Variants in SRRM1 observed in about 807,000 individuals in gnomAD.
SRRM1 encodes serine/arginine repetitive matrix protein 1.
A neutral mutation model predicts 110.2 loss-of-function variants in SRRM1; 19 were observed. The observed-to-expected ratio is 0.17, with a 90% confidence interval of 0.12 to 0.25. The LOEUF (loss-of-function observed/expected upper bound fraction) is 0.25. Ranked by LOEUF, SRRM1 falls within the 10% of genes least tolerant of loss-of-function variation. SRRM1 has a pLI of 1.00. For synonymous variants in SRRM1, 443 were observed against 414.9 expected (o/e 1.07, Z -0.82); for missense variants, 918 against 1,145.8 (o/e 0.80, Z 2.87).
In SRRM1 at chr1:24,654,885, G is replaced by A. The variant is rs1557684995; in HGVS notation, c.1071G>A (p.Gly357=). The change falls in exon 9 of 17, where the codon GGG becomes GGA. Residue 357 remains glycine (G), a synonymous_variant. Coordinates refer to ENST00000323848, the MANE Select transcript of SRRM1 (RefSeq NM_005839.4). The part of the protein sequence containing the change: ...RRRRSSASLS[G]SSSSSSSSRS... Reference sequence around the variant, plus strand: ...GACGTTCGTCAGCATCCTTGTCTGGGAGTAGCTCATCATCCTCTTCATCTC... The same window carrying A: ...GACGTTCGTCAGCATCCTTGTCTGGAAGTAGCTCATCATCCTCTTCATCTC... 1 of 1,614,184 alleles carries A rather than the reference G, an allele frequency of 6.2e-7. No homozygotes were observed. The highest frequency in any genetic ancestry group is 2.2e-5 in the East Asian group (1 of 44,886).
chr1:24,655,380 G>C (rs1375605384), intron 9 of SRRM1, among the ~76,000 whole-genome samples: 1 of 152,170 alleles, frequency 6.6e-6, no homozygotes, highest in African/African-American at 2.4e-5. Flanking sequence ...TTTACCAGCC[G>C]TGGGCTGTTT....
chr1:24,644,109 C>T (rs1308260389), intron 1 of SRRM1, among the ~76,000 whole-genome samples: 8 of 152,172 alleles, frequency 5.3e-5, no homozygotes, highest in Non-Finnish European at 1.2e-4. Context: ...GTGTTTTACT[C>T]TTGGAGTCCG....
chr1:24,646,124 C>A (rs1368768253), intron 2 of SRRM1, 51 bp downstream of exon 2: 11 of 1,408,922 alleles, frequency 7.8e-6, no homozygotes, highest in Non-Finnish European at 1.1e-5. Flanking sequence ...ACTTACTTGA[C>A]TCAAGTTCTG....
intron 1 of SRRM1, 118 bp downstream of exon 1, chr1:24,643,465 C>T (rs1006709051): frequency 3.7e-6 from 3 of 806,222 alleles, no homozygotes; most frequent in Middle Eastern, 3.4e-4. Flanking sequence ...CTTAAGGATT[C>T]CTCCTAGAGC....
chr1:24,646,030 A>G lies in SRRM1; in HGVS notation c.68A>G (p.Lys23Arg). The G allele has an allele frequency of 6.2e-7, 1 of 1,613,708 alleles. No individual in the cohort carries two copies. The highest frequency in any genetic ancestry group is 8.5e-7 in the Non-Finnish European group (1 of 1,179,972). Residue 23 changes from lysine to arginine, a missense_variant, in exon 2 of 17, where the codon AAA becomes AGA. Physicochemically the swap from Lys to Arg is conservative, Grantham distance 26. This residue lies in a region of SRRM1 where 38 missense variants were observed against 144.5 expected (regional missense o/e 0.26). Transcript: ENST00000323848. Reference protein sequence around the residue: ...QDNRFSNKQKKLLKQLKFAEC... With the variant: ...QDNRFSNKQKRLLKQLKFAEC... Reference sequence around the variant, plus strand: ...AATCGGTTCAGCAACAAACAGAAGAAACTACTGAAGCAGCTGAAATTTGCA... The same window carrying G: ...AATCGGTTCAGCAACAAACAGAAGAGACTACTGAAGCAGCTGAAATTTGCA...
rs770969795 is a variant in SRRM1, at chr1:24,654,835, A to G, written c.1041-20A>G. ...CTTTATAAGTGTGCAATTAGTGAATATGAATACTTTATTCCACAGAAGAAG... is the reference window on the plus strand; with the variant it reads ...CTTTATAAGTGTGCAATTAGTGAATGTGAATACTTTATTCCACAGAAGAAG... On this transcript the variant is annotated intron_variant, in intron 8 of 16. Transcript: ENST00000323848. 14 of 1,613,400 alleles carry G rather than the reference A, an allele frequency of 8.7e-6. No homozygotes were observed. Among genetic ancestry groups the G allele is most frequent in the Non-Finnish European group, 1.1e-5 (13 of 1,179,550 alleles).
chr1:24,671,252 A>T, intron 15 of SRRM1, 134 bp from the exon 16 acceptor site: 2 of 953,794 alleles, frequency 2.1e-6, no homozygotes, highest in Non-Finnish European at 3.2e-6. Context: ...GGCCTTCCCC[A>T]CTCACACCCT....
In SRRM1 at chr1:24,671,377, T is replaced by C; in HGVS notation, c.2401-9T>C. On this transcript the variant is annotated splice_polypyrimidine_tract_variant and intron_variant, in intron 15 of 16. Transcript: ENST00000323848. Reference sequence around the variant, plus strand: ...ATAAATGCTGGGTGTTGTTTTTTTTTCTTCCTAGAATTCAGATCAGGAAGG... The same window carrying C: ...ATAAATGCTGGGTGTTGTTTTTTTTCCTTCCTAGAATTCAGATCAGGAAGG... 2 of 1,586,678 alleles carry C rather than the reference T, an allele frequency of 1.3e-6. No individual in the cohort carries two copies. The highest frequency in any genetic ancestry group is 1.4e-5 in the African/African-American group (1 of 72,914).
At chr1:24,660,188 A>G (rs1666407480) in intron 9 of SRRM1, among the ~76,000 whole-genome samples, 1 of 152,096 alleles carries the variant, frequency 6.6e-6, no homozygotes, top group Non-Finnish European at 1.5e-5. Flanking sequence ...AGTGTGAGGG[A>G]GTGAGTGTGG....
intron 15 of SRRM1, 72 bp downstream of exon 15, chr1:24,670,387 C>T (rs1672123598): frequency 7.9e-6 from 11 of 1,396,326 alleles, no homozygotes; most frequent in Non-Finnish European, 1.1e-5. Context: ...GAGAAAATGT[C>T]ATTGGGGCAT....
At position 24,671,126 on chromosome 1, in the gene SRRM1, T is replaced by C. The variant is rs1189284855; in HGVS notation, c.2401-260T>C. ...ATTACACTTATTTTAGGTAAAAAGG[T>C]CTCAGAAAGAGTTCAACAATTTGTC... On this transcript the variant is annotated intron_variant, in intron 15 of 16. Transcript: ENST00000323848. Among the ~76,000 whole-genome samples the C allele has an allele frequency of 2.6e-5, 4 of 152,214 alleles. No individual in the cohort carries two copies. In the East Asian group the frequency reaches 7.7e-4, roughly 29 times the overall value.
Position 24,660,753 on chromosome 1 carries a change from C to G in SRRM1, c.1350C>G (p.Ser450=). ...ATAAAGGTACTGAGAAAAGAGAATC[C>G]CCTTCACCAGCACCGAAGCCTAGAA... ...TKHKGTEKRE[S]PSPAPKPRKV... is the part of the protein sequence containing the mutation. Residue 450 remains serine (S), a synonymous_variant, in exon 10 of 17, where the codon TCC becomes TCG. Coordinates refer to ENST00000323848, the MANE Select transcript of SRRM1 (RefSeq NM_005839.4). 1 of 1,589,404 alleles carries G rather than the reference C, an allele frequency of 6.3e-7. No individual in the cohort carries two copies. The highest frequency in any genetic ancestry group is 8.6e-7 in the Non-Finnish European group (1 of 1,169,454).
At chr1:24,665,207 A>G (rs900394754) in intron 12 of SRRM1, among the ~76,000 whole-genome samples, 2 of 152,084 alleles carry the variant, frequency 1.3e-5, no homozygotes, top group Admixed American at 6.5e-5. Flanking sequence ...TGGGTGGATC[A>G]CCTGAGATCA....
rs1206771286 is a variant in SRRM1, at chr1:24,666,852, A to C, written c.1666A>C (p.Arg556=). ...GAGAAGTCCATCCCCACCACCCACC[A>C]GAAGGCGACGGTCTCCTTCTCCCGC... ...RRRSPSPPPT[R]RRRSPSPAPP... is the part of the protein sequence containing the mutation. The change falls in exon 13 of 17, where the codon AGA becomes CGA. Residue 556 remains arginine, a synonymous_variant. Transcript: ENST00000323848. The C allele has an allele frequency of 6.2e-7, 1 of 1,613,454 alleles. No homozygotes were observed. The highest frequency in any genetic ancestry group is 8.5e-7 in the Non-Finnish European group (1 of 1,179,836).
chr1:24,654,739 C>A, intron 8 of SRRM1, 116 bp from the exon 9 acceptor site: 2 of 1,235,864 alleles, frequency 1.6e-6, no homozygotes, highest in Non-Finnish European at 2.3e-6. Context: ...ATGTGCTTAG[C>A]TACATAAACT....
chr1:24,649,919 G>A, intron 4 of SRRM1, 52 bp from the exon 5 acceptor site: 1 of 1,462,494 alleles, frequency 6.8e-7, no homozygotes, highest in Non-Finnish European at 9.0e-7. Flanking sequence ...GTAGTCTTCA[G>A]TTTGTTCTCA....
Position 24,652,442 on chromosome 1 carries a change from T to G in SRRM1, c.734T>G (p.Leu245Arg), listed in dbSNP as rs762017283. 1.9e-6 allele frequency: 3 copies of G among 1,543,514 alleles called. No individual in the cohort carries two copies. The highest frequency in any genetic ancestry group is 2.6e-6 in the Non-Finnish European group (3 of 1,150,846). ...AGCTTTTGTTTCCACAGTGACATTC[T>G]GAAAGTTCCCAAACCTGAACCTATA... ...VQEATSTSDILKVPKPEPIPE... is the reference protein window; with the variant it reads ...VQEATSTSDIRKVPKPEPIPE... Residue 245 changes from leucine (L) to arginine (R), a missense_variant, in exon 7 of 17, where the codon CTG (leucine) becomes CGG (arginine). Physicochemically the swap from Leu to Arg is moderately radical, Grantham distance 102. Around this residue, in one of 5 missense-constraint regions of SRRM1, gnomAD observed 456 missense variants for 453.5 expected, o/e 1.01. Transcript: ENST00000323848.
At chr1:24,652,661 T>G in intron 7 of SRRM1, 33 bp downstream of exon 7, 2 of 1,555,286 alleles carry the variant, frequency 1.3e-6, no homozygotes, top group Non-Finnish European at 1.7e-6. Context: ...ACAAAGATCT[T>G]AGGTTTTATA....
rs1158996729 is a variant in SRRM1, at chr1:24,669,175, C to T, written c.1792C>T (p.Pro598Ser). Residue 598 changes from proline to serine, a missense_variant, in exon 14 of 17, where the codon CCT (proline) becomes TCT (serine). By Grantham distance (74) the Pro-to-Ser change is moderately conservative. Around this residue, in one of 5 missense-constraint regions of SRRM1, gnomAD observed 357 missense variants for 402.9 expected, o/e 0.89. Coordinates refer to ENST00000323848, the MANE Select transcript of SRRM1 (RefSeq NM_005839.4). ...CTCACCTTCTCCTAGAAGATACTCT[C>T]CTCCAATACAGAGGAGATACTCTCC... ...RRSPSPRRYS[P>S]PIQRRYSPSP... is the part of the protein sequence containing the mutation. The T allele has an allele frequency of 3.1e-6, 5 of 1,614,070 alleles. No homozygotes were observed. The highest frequency in any genetic ancestry group is 4.2e-6 in the Non-Finnish European group (5 of 1,180,012).
Sources: allele counts gnomAD v4.1 joint callset (sites outside exome capture counted in the v4.1 genomes callset), GRCh38; gene constraint gnomAD v4.1.1; regional missense constraint gnomAD v4.1.1; transcripts MANE v1.5; gene names NCBI Gene and HGNC (gene_info 2026-07-23, HGNC 2026-07-21).